The following FAM83G variants were observed in gnomAD, a reference collection of about 807,000 sequenced individuals.
FAM83G encodes the protein protein FAM83G.
Under a neutral mutation model 61.5 loss-of-function variants are expected in FAM83G, and 38 were observed. That is an observed-to-expected ratio of 0.62 (90% confidence interval 0.48 to 0.81). The LOEUF is 0.81. Among genes scored for constraint, FAM83G ranks in the 30% least tolerant of loss-of-function variants. The pLI is 0.00. For missense variants in FAM83G, 989 were observed against 1,133.6 expected, an observed-to-expected ratio of 0.87 and a Z score of 1.83; for synonymous variants, 470 against 476.1, an observed-to-expected ratio of 0.99 and a Z score of 0.17.
intron 2 of FAM83G, among the ~76,000 whole-genome samples, chr17:18,994,044 G>C (rs1242763727): frequency 6.6e-6 from 1 of 152,138 alleles, no homozygotes; most frequent in African/African-American, 2.4e-5. Context: ...ACTACCCTCC[G>C]GGCCAGCTGG....
In FAM83G at chr17:18,970,241, G is replaced by T. The variant is rs2152000664; in HGVS notation, c.*1118C>A. 6.6e-6 allele frequency: 1 copy of T among 152,404 alleles called. No homozygotes were observed. The highest frequency in any genetic ancestry group is 2.1e-4 in the South Asian group (1 of 4,832). The allele number at this position is 152,404 out of a possible 1,614,324, so 9.4% of individuals were successfully genotyped here. On this transcript the variant is annotated 3_prime_UTR_variant, in exon 6 of 6. Coordinates refer to ENST00000388995, the MANE Select transcript of FAM83G (RefSeq NM_001039999.3). ...GGAGTAGGGCCTGGGGTGGAAACGG[G>T]TTTTCCTACATCCAGGCTTCTCCCT...
In FAM83G at chr17:18,970,718, G is replaced by A. The variant is rs2042820720; in HGVS notation, c.*641C>T. 2.2e-6 allele frequency: 1 copy of A among 449,416 alleles called. No individual in the cohort carries two copies. The highest frequency in any genetic ancestry group is 4.1e-5 in the East Asian group (1 of 24,428). The allele number at this position is 449,416 out of a possible 1,614,324, so 27.8% of individuals were successfully genotyped here. A position where few individuals can be genotyped will look rare whatever the true frequency, so the allele number is the denominator to read the frequency against. On this transcript the variant is annotated 3_prime_UTR_variant, in exon 6 of 6. Coordinates refer to ENST00000388995, the MANE Select transcript of FAM83G (RefSeq NM_001039999.3). ...AACCACTTGCCCAAGGCCGATGAGT[G>A]TCCAGAGGCCAACAGTGACTCCTGC...
At position 18,971,203 on chromosome 17, in the gene FAM83G, C is replaced by T. The variant is rs758980875; in HGVS notation, c.*156G>A. On this transcript the variant is annotated 3_prime_UTR_variant, in exon 6 of 6. Coordinates refer to ENST00000388995, the MANE Select transcript of FAM83G (RefSeq NM_001039999.3). The surrounding 1 kb of genome is among the most constrained non-coding windows in gnomAD (Gnocchi z 5.5). ...GCCTGACCATCATGGCCACCTGGTA[C>T]TGGTGCACCGACCAGGTGAGTGCCA... 6.2e-6 allele frequency: 10 copies of T among 1,613,966 alleles called. No individual in the cohort carries two copies. In the South Asian group the frequency reaches 8.8e-5, roughly 14 times the overall value.
chr17:18,988,865 C>T (rs1567798260), intron 2 of FAM83G, among the ~76,000 whole-genome samples: 1 of 152,214 alleles, frequency 6.6e-6, no homozygotes, highest in African/African-American at 2.4e-5. Context: ...CAGGTGACCT[C>T]CTGCTGGACC....
At chr17:18,977,523 G>A in intron 5 of FAM83G, 61 bp downstream of exon 5, 1 of 1,505,534 alleles carries the variant, frequency 6.6e-7, no homozygotes, top group South Asian at 1.2e-5. Context: ...AACAGCTCGA[G>A]CTCTTGGGTG....
In FAM83G at chr17:18,977,992, T is replaced by C. The variant is rs774634921; in HGVS notation, c.1674A>G (p.Leu558=). 1 of 1,570,920 alleles carries C rather than the reference T, an allele frequency of 6.4e-7. No individual in the cohort carries two copies. Among genetic ancestry groups the C allele is most frequent in the Non-Finnish European group, 8.6e-7 (1 of 1,157,644 alleles). Residue 558 remains leucine (L), a synonymous_variant, in exon 5 of 6, where the codon CTA becomes CTG. Transcript: ENST00000388995. ...GPGHAPLQRQ[L]SVTQDDPESL... is the part of the protein sequence containing the mutation. ...TCTCGGGGTCATCCTGGGTCACAGATAGCTGCCGCTGGAGTGGGGCGTGGC... is the reference window on the plus strand; with the variant it reads ...TCTCGGGGTCATCCTGGGTCACAGACAGCTGCCGCTGGAGTGGGGCGTGGC...
chr17:18,979,676 G>T lies in FAM83G; in HGVS notation c.691-3C>A. ...CCGCTGCTCCGCACTCTGAGATTCT[G>T]TTTTGGGAACCAAGAGACAGAATTA... On this transcript the variant is annotated splice_region_variant and splice_polypyrimidine_tract_variant and intron_variant, in intron 3 of 5. Transcript: ENST00000388995. 1 of 1,613,098 alleles carries T rather than the reference G, an allele frequency of 6.2e-7. No homozygotes were observed. The highest frequency in any genetic ancestry group is 8.5e-7 in the Non-Finnish European group (1 of 1,179,850).
chr17:18,977,260 C>G, intron 5 of FAM83G: 1 of 590,020 alleles, frequency 1.7e-6, no homozygotes, highest in Non-Finnish European at 3.0e-6. Context: ...CATCTGCAAA[C>G]TAGGGACTGT....
In FAM83G at chr17:18,971,290, T is replaced by A; in HGVS notation, c.*69A>T. On this transcript the variant is annotated 3_prime_UTR_variant, in exon 6 of 6. Transcript: ENST00000388995. The surrounding 1 kb of genome is among the most constrained non-coding windows in gnomAD (Gnocchi z 5.5). Reference sequence around the variant, plus strand: ...TGGGCTCTGGTAGGCCCAGGCGGCCTGTCTGCCCTCCGCGTCATGAGTCTG... The same window carrying A: ...TGGGCTCTGGTAGGCCCAGGCGGCCAGTCTGCCCTCCGCGTCATGAGTCTG... 1 of 1,609,772 alleles carries A rather than the reference T, an allele frequency of 6.2e-7. No homozygotes were observed. The highest frequency in any genetic ancestry group is 8.5e-7 in the Non-Finnish European group (1 of 1,177,118).
intron 2 of FAM83G, among the ~76,000 whole-genome samples, chr17:18,990,230 GA>G (rs1449985973): frequency 3.3e-5 from 5 of 152,154 alleles, no homozygotes; most frequent in African/African-American, 1.2e-4. Context: ...GATGTTCAAG[GA>G]AGGCCAGAGA....
At chr17:18,997,466 G>T (rs2043596875) in intron 2 of FAM83G, among the ~76,000 whole-genome samples, 1 of 152,198 alleles carries the variant, frequency 6.6e-6, no homozygotes, top group South Asian at 2.1e-4. Context: ...ATCCCATGTG[G>T]GCAGCAAACG....
In FAM83G at chr17:18,969,299, C is replaced by T. The variant is rs2151999690; in HGVS notation, c.*2060G>A. The T allele has an allele frequency of 4.4e-6, 7 of 1,601,356 alleles. No individual in the cohort carries two copies. Among genetic ancestry groups the T allele is most frequent in the Non-Finnish European group, 6.0e-6 (7 of 1,171,116 alleles). ...AAGTTCCTCCCCGTGTCCCTCCTCC[C>T]TGGGGCCAGGGCCCCCTCCAGCAAC... On this transcript the variant is annotated 3_prime_UTR_variant, in exon 6 of 6. Coordinates refer to ENST00000388995, the MANE Select transcript of FAM83G (RefSeq NM_001039999.3).
At chr17:18,988,169 C>T in intron 3 of FAM83G, 78 bp downstream of exon 3, 1 of 1,553,770 alleles carries the variant, frequency 6.4e-7, no homozygotes, top group Non-Finnish European at 8.7e-7. Flanking sequence ...CCAGAGCAGG[C>T]AGGTACTCGA....
At position 18,984,168 on chromosome 17, in the gene FAM83G, C is replaced by T. The variant is rs988887882; in HGVS notation, c.690+4079G>A. Among the ~76,000 whole-genome samples the T allele has an allele frequency of 6.6e-5, 10 of 152,038 alleles. No homozygotes were observed. The East Asian group carries it at 9.7e-4, about 15-fold the overall frequency. On this transcript the variant is annotated intron_variant, in intron 3 of 5. Coordinates refer to ENST00000388995, the MANE Select transcript of FAM83G (RefSeq NM_001039999.3). Reference sequence around the variant, plus strand: ...CCATCCTGGCTAACACGGTGAAACCCCATCTCTACTAAAAATACAAAAAAT... The same window carrying T: ...CCATCCTGGCTAACACGGTGAAACCTCATCTCTACTAAAAATACAAAAAAT...
Position 18,978,174 on chromosome 17 carries a change from G to T in FAM83G, c.1492C>A (p.Pro498Thr). 1 of 1,539,028 alleles carries T rather than the reference G, an allele frequency of 6.5e-7. No individual in the cohort carries two copies. Among genetic ancestry groups the T allele is most frequent in the Non-Finnish European group, 8.7e-7 (1 of 1,145,624 alleles). ...PAENGLPQGD[P>T]EPLPPVPKPR... The stretch of plus-strand genomic sequence containing the variant: ...TTGGGCACGGGGGGCAATGGCTCAG[G>T]GTCCCCCTGGGGGAGGCCGTTCTCA... The change falls in exon 5 of 6, where the codon CCT (proline) becomes ACT (threonine). Residue 498 changes from proline (P) to threonine (T), a missense_variant. Coordinates refer to ENST00000388995, the MANE Select transcript of FAM83G (RefSeq NM_001039999.3).
In FAM83G at chr17:18,971,867, T is replaced by G. The variant is rs921121828; in HGVS notation, c.2083-119A>C. ...CCGGGTTCGCCTCCTGGCTCTGCCA[T>G]TCACCAGGGAGTGGGCCTAGACCAG... On this transcript the variant is annotated intron_variant, in intron 5 of 5. Transcript: ENST00000388995. This position sits in a 1 kb window ranked among gnomAD's most constrained non-coding sequence, Gnocchi z 5.5. 3.1e-5 allele frequency: 34 copies of G among 1,111,010 alleles called. No individual in the cohort carries two copies. Among genetic ancestry groups the G allele is most frequent in the Non-Finnish European group, 3.9e-5 (31 of 796,366 alleles). 68.8% of individuals were successfully genotyped at this position (1,111,010 alleles called of 1,614,324 possible).
At chr17:18,985,533 G>T (rs1450895935) in intron 3 of FAM83G, among the ~76,000 whole-genome samples, 1 of 152,124 alleles carries the variant, frequency 6.6e-6, no homozygotes, top group Non-Finnish European at 1.5e-5. Context: ...GGCAAAGGAA[G>T]TGCTCCCGGG....
At chr17:18,983,738 C>T (rs943935212) in intron 3 of FAM83G, among the ~76,000 whole-genome samples, 6 of 152,204 alleles carry the variant, frequency 3.9e-5, no homozygotes, top group Non-Finnish European at 8.8e-5. Context: ...TCACCCTGGA[C>T]TTCTCCAGGC....
At chr17:18,986,291 G>T (rs1597865627) in intron 3 of FAM83G, 1 of 152,228 alleles carries the variant, frequency 6.6e-6, no homozygotes, top group East Asian at 1.9e-4. Context: ...CCAATAAAAA[G>T]GATAAGAGAA....
Sources: allele counts gnomAD v4.1 joint callset (sites outside exome capture counted in the v4.1 genomes callset), GRCh38; gene constraint gnomAD v4.1.1; non-coding constraint Gnocchi (gnomAD v3.1); transcripts MANE v1.5; gene names NCBI Gene and HGNC (gene_info 2026-07-23, HGNC 2026-07-21).